The following AKR1B10 variants were observed in gnomAD, a reference collection of about 807,000 sequenced individuals.
AKR1B10 encodes the protein aldo-keto reductase family 1 member B10, also known as ARP.
Under a neutral mutation model 38.9 loss-of-function variants are expected in AKR1B10, and 39 were observed. The observed-to-expected ratio is 1.00, with a 90% CI of 0.78 to 1.31. The LOEUF is 1.31. AKR1B10 is among the 50% of genes most tolerant of loss of function. AKR1B10 has a pLI of 0.00. For missense variants in AKR1B10, 361 were observed against 382.6 expected (o/e 0.94, Z 0.47); for synonymous variants, 148 against 141.2 (o/e 1.05, Z -0.34).
In AKR1B10 at chr7:134,541,172, C is replaced by A; in HGVS notation, c.*83C>A. 9.2e-7 allele frequency: 1 copy of A among 1,091,162 alleles called. No individual in the cohort carries two copies. Among genetic ancestry groups the A allele is most frequent in the South Asian group, 1.4e-5 (1 of 70,164 alleles). 67.6% of individuals were successfully genotyped at this position (1,091,162 alleles called of 1,614,324 possible). On this transcript the variant is annotated 3_prime_UTR_variant, in exon 10 of 10. Coordinates refer to ENST00000359579, the MANE Select transcript of AKR1B10 (RefSeq NM_020299.5). ...TACCTCCACTCATGTCCCATTTTAG[C>A]CAAGCTTATTTAAGATCACAGTGAA...
rs1456198873 is a variant in AKR1B10 at position 134,541,140 on chromosome 7, G to A, written c.*51G>A. 3.6e-6 allele frequency: 5 copies of A among 1,371,756 alleles called. No individual in the cohort carries two copies. Among genetic ancestry groups the A allele is most frequent in the Non-Finnish European group, 5.1e-6 (5 of 972,016 alleles). 85.0% of individuals were successfully genotyped at this position (1,371,756 alleles called of 1,614,324 possible). ...CAGGAGATTCTCTTTCTTCGCTGAA[G>A]TGTGACTACCTCCACTCATGTCCCA... On this transcript the variant is annotated 3_prime_UTR_variant, in exon 10 of 10. Coordinates refer to ENST00000359579, the MANE Select transcript of AKR1B10 (RefSeq NM_020299.5).
At chr7:134,535,060 T>C (rs111810828) in intron 4 of AKR1B10, among the ~76,000 whole-genome samples, 1,751 of 152,118 alleles carry the variant, frequency 0.012, 28 homozygotes, top group African/African-American at 0.04. Flanking sequence ...CATCATAGTT[T>C]AGTGCAGCCT....
Position 134,537,011 on chromosome 7 carries a change from A to G in AKR1B10, c.553-40A>G, listed in dbSNP as rs771008752. On this transcript the variant is annotated intron_variant, in intron 5 of 9. Coordinates refer to ENST00000359579, the MANE Select transcript of AKR1B10 (RefSeq NM_020299.5). The stretch of plus-strand genomic sequence containing the variant: ...ACTCCCTAGGAACAATGCAAAACAG[A>G]GCCGGCTTTCCCCGTGATGAGGATT... The G allele has an allele frequency of 1.8e-5, 28 of 1,555,152 alleles. No individual in the cohort carries two copies. The Admixed American group carries it at 5.3e-4, about 30-fold the overall frequency.
chr7:134,530,703 A>G lies in AKR1B10; in HGVS notation c.127A>G (p.Ile43Val), dbSNP rs1255915499. 3 of 1,614,140 alleles carry G rather than the reference A, an allele frequency of 1.9e-6. No homozygotes were observed. Among genetic ancestry groups the G allele is most frequent in the Non-Finnish European group, 2.5e-6 (3 of 1,179,988 alleles). ...GGCCATTGATGCAGGATATCGGCAC[A>G]TTGACTGTGCCTATGTCTATCAGAA... ...KVAIDAGYRH[I>V]DCAYVYQNEH... Residue 43 changes from isoleucine (I) to valine (V), a missense_variant, in exon 2 of 10, where the codon ATT (isoleucine) becomes GTT (valine). Ile to Val is a conservative substitution (Grantham distance 29). Transcript: ENST00000359579.
chr7:134,537,528 C>G (rs1808044577), intron 6 of AKR1B10, 52 bp from the exon 7 acceptor site: 1 of 1,582,430 alleles, frequency 6.3e-7, no homozygotes. Context: ...TGGTGTCCTT[C>G]TGTACATGGT....
Position 134,527,868 on chromosome 7 carries a change from G to A in AKR1B10, c.-44G>A, listed in dbSNP as rs374392895. 70 of 1,611,844 alleles carry A rather than the reference G, an allele frequency of 4.3e-5. No homozygotes were observed. The highest frequency in any genetic ancestry group is 5.2e-5 in the Non-Finnish European group (61 of 1,179,776). On this transcript the variant is annotated 5_prime_UTR_variant, in exon 1 of 10. It adds an upstream start codon to the 5' untranslated region. Transcript: ENST00000359579. ...CAAAAACAGCAACAGAGAGCAGGAC[G>A]TGAGACTTCTACCTGCTCACTCAGA...
At chr7:134,538,428 A>T in intron 8 of AKR1B10, 151 bp downstream of exon 8, 2 of 782,832 alleles carry the variant, frequency 2.6e-6, no homozygotes, top group Non-Finnish European at 4.2e-6. Flanking sequence ...AGCTAGGGTC[A>T]GTAGAGCTGA....
chr7:134,538,962 G>A lies in AKR1B10; in HGVS notation c.853G>A (p.Glu285Lys). The A allele has an allele frequency of 5.6e-6, 9 of 1,614,024 alleles. No individual in the cohort carries two copies. The highest frequency in any genetic ancestry group is 7.6e-6 in the Non-Finnish European group (9 of 1,179,968). Residue 285 changes from glutamate (E) to lysine (K), a missense_variant, in exon 9 of 10, where the codon GAG (glutamate) becomes AAG (lysine). Transcript: ENST00000359579. Reference protein sequence around the residue: ...QVFDFKLSDEEMATILSFNRN... With the variant: ...QVFDFKLSDEKMATILSFNRN... ...CTTTGACTTTAAATTGAGTGATGAG[G>A]AGATGGCAACCATACTCAGCTTCAA...
chr7:134,529,058 A>G, intron 1 of AKR1B10, among the ~76,000 whole-genome samples: 1 of 152,142 alleles, frequency 6.6e-6, no homozygotes, highest in East Asian at 1.9e-4. Flanking sequence ...ATTTCCATCC[A>G]TGATAGCACT....
intron 1 of AKR1B10, among the ~76,000 whole-genome samples, chr7:134,528,495 G>A (rs371493213): frequency 3.3e-5 from 5 of 152,188 alleles, no homozygotes; most frequent in Non-Finnish European, 7.4e-5. Flanking sequence ...AAATCCAGAC[G>A]GGAGGGTTGC....
chr7:134,532,633 T>C (rs1289824631), intron 3 of AKR1B10, among the ~76,000 whole-genome samples: 1 of 152,156 alleles, frequency 6.6e-6, no homozygotes, highest in African/African-American at 2.4e-5. Context: ...AGGATAGAAG[T>C]TGGCCAATAT....
At chr7:134,529,549 T>C (rs564001824) in intron 1 of AKR1B10, among the ~76,000 whole-genome samples, 8 of 152,230 alleles carry the variant, frequency 5.3e-5, no homozygotes, top group African/African-American at 1.4e-4. Context: ...AGCGTAGCGG[T>C]TGGGGGCACA....
At chr7:134,533,113 G>T in intron 4 of AKR1B10, 32 bp downstream of exon 4, 1 of 1,534,982 alleles carries the variant, frequency 6.5e-7, no homozygotes, top group East Asian at 2.4e-5. Flanking sequence ...AGTGTGCTGG[G>T]AGAGAAATCT....
At chr7:134,537,714 T>G in intron 7 of AKR1B10, 53 bp downstream of exon 7, 1 of 1,597,924 alleles carries the variant, frequency 6.3e-7, no homozygotes, top group South Asian at 1.1e-5. Context: ...TCCAGTCTCG[T>G]GTTTCATATC....
At position 134,530,754 on chromosome 7, in the gene AKR1B10, C is replaced by G. The variant is rs769056338; in HGVS notation, c.178C>G (p.Gln60Glu). 11 of 1,613,938 alleles carry G rather than the reference C, an allele frequency of 6.8e-6. No homozygotes were observed. The South Asian group carries it at 1.1e-4, about 16-fold the overall frequency. ...QNEHEVGEAIQEKIQEKAVKR... is the reference protein window; with the variant it reads ...QNEHEVGEAIEEKIQEKAVKR... Reference sequence around the variant, plus strand: ...TGAACATGAAGTGGGGGAAGCCATCCAAGAGAAGATCCAAGAGAAGGCTGT... The same window carrying G: ...TGAACATGAAGTGGGGGAAGCCATCGAAGAGAAGATCCAAGAGAAGGCTGT... The change falls in exon 2 of 10, where the codon CAA becomes GAA. Residue 60 changes from glutamine (Q) to glutamate (E), a missense_variant. By Grantham distance (29) the Gln-to-Glu change is conservative (BLOSUM62 2). Coordinates refer to ENST00000359579, the MANE Select transcript of AKR1B10 (RefSeq NM_020299.5).
intron 2 of AKR1B10, 121 bp downstream of exon 2, chr7:134,530,931 A>T: frequency 7.4e-7 from 1 of 1,351,358 alleles, no homozygotes; most frequent in East Asian, 2.3e-5. Flanking sequence ...CTCTGCCTTG[A>T]TAACATCCGT....
chr7:134,538,175 A>G lies in AKR1B10; in HGVS notation c.742-19A>G, dbSNP rs1289007402. The G allele has an allele frequency of 6.2e-7, 1 of 1,610,356 alleles. No homozygotes were observed. The highest frequency in any genetic ancestry group is 8.5e-7 in the Non-Finnish European group (1 of 1,176,628). On this transcript the variant is annotated intron_variant, in intron 7 of 9. Transcript: ENST00000359579. Reference sequence around the variant, plus strand: ...GTCTTTGGAGCTGAGTGGAAGCCTGATGTCCCCTTTCCGCATAGGTTCTGA... The same window carrying G: ...GTCTTTGGAGCTGAGTGGAAGCCTGGTGTCCCCTTTCCGCATAGGTTCTGA...
intron 9 of AKR1B10, among the ~76,000 whole-genome samples, chr7:134,539,734 T>C (rs973990534): frequency 2.0e-5 from 3 of 152,134 alleles, no homozygotes; most frequent in Admixed American, 2.0e-4. Flanking sequence ...AAATCTTAGA[T>C]AAGTGGTGAA....
In AKR1B10 at chr7:134,537,030, G is replaced by A. The variant is rs559686347; in HGVS notation, c.553-21G>A. 108 of 1,571,418 alleles carry A rather than the reference G, an allele frequency of 6.9e-5. 4 individuals are homozygous for A. The highest frequency in any genetic ancestry group is 3.4e-4 in the Middle Eastern group (2 of 5,880). Reference sequence around the variant, plus strand: ...AAACAGAGCCGGCTTTCCCCGTGATGAGGATTGTTTGCTGTTGCAGGTTGA... The same window carrying A: ...AAACAGAGCCGGCTTTCCCCGTGATAAGGATTGTTTGCTGTTGCAGGTTGA... On this transcript the variant is annotated intron_variant, in intron 5 of 9. Coordinates refer to ENST00000359579, the MANE Select transcript of AKR1B10 (RefSeq NM_020299.5).
Sources: allele counts gnomAD v4.1 joint callset (sites outside exome capture counted in the v4.1 genomes callset), GRCh38; gene constraint gnomAD v4.1.1; transcripts MANE v1.5; gene names NCBI Gene and HGNC (gene_info 2026-07-23, HGNC 2026-07-21).